The following MACROD2 variants were observed in gnomAD, a reference collection of about 807,000 sequenced individuals.
The protein encoded by MACROD2 is ADP-ribose glycohydrolase MACROD2.
In MACROD2, 36 loss-of-function variants were observed where a neutral mutation model predicts 70.4. The observed-to-expected ratio is 0.51, with a 90% confidence interval of 0.39 to 0.68. MACROD2 has a LOEUF of 0.68. Ranked by LOEUF, MACROD2 falls within the 30% of genes least tolerant of loss-of-function variation. The pLI is 0.00. For synonymous variants in MACROD2, 172 were observed against 178.8 expected, an observed-to-expected ratio of 0.96 and a Z score of 0.30; for missense variants, 496 against 538.4, an observed-to-expected ratio of 0.92 and a Z score of 0.78.
At chr20:14,378,021 T>C (rs1349463603) in intron 3 of MACROD2, among the ~76,000 whole-genome samples, 1 of 152,200 alleles carries the variant, frequency 6.6e-6, no homozygotes, top group Admixed American at 6.5e-5. Context: ...TGCATGCATT[T>C]TATATTTTAC....
chr20:15,627,364 C>T (rs1396619919), intron 8 of MACROD2, among the ~76,000 whole-genome samples: 1 of 152,072 alleles, frequency 6.6e-6, no homozygotes, highest in African/African-American at 2.4e-5. Flanking sequence ...TGCCCCACTG[C>T]ACAAATAAAG....
chr20:14,025,797 G>A (rs2053154893), intron 2 of MACROD2, among the ~76,000 whole-genome samples: 1 of 152,172 alleles, frequency 6.6e-6, no homozygotes, highest in South Asian at 2.1e-4. Flanking sequence ...GTGGGATGTG[G>A]TGCTGAGAAG....
At chr20:15,522,900 GT>G (rs1317874057) in intron 8 of MACROD2, among the ~76,000 whole-genome samples, 6 of 152,172 alleles carry the variant, frequency 3.9e-5, no homozygotes, top group African/African-American at 1.4e-4. Flanking sequence ...GAAAATGACA[GT>G]ATGACACAAA....
intron 4 of MACROD2, among the ~76,000 whole-genome samples, chr20:14,678,212 G>A (rs908972873): frequency 1.3e-5 from 2 of 152,114 alleles, no homozygotes; most frequent in African/African-American, 4.8e-5. Context: ...GTCATATGGA[G>A]GACCTTGTGC....
chr20:15,679,868 G>T (rs1008981532), intron 8 of MACROD2, among the ~76,000 whole-genome samples: 7 of 152,200 alleles, frequency 4.6e-5, no homozygotes, highest in Admixed American at 4.6e-4. Context: ...TTCCAGACCT[G>T]CAGAAATGTG....
chr20:14,727,496 T>C (rs1389474654), intron 5 of MACROD2, among the ~76,000 whole-genome samples: 2 of 151,914 alleles, frequency 1.3e-5, no homozygotes, highest in Non-Finnish European at 2.9e-5. Context: ...GATTACTCCA[T>C]GACATTCCAG....
chr20:14,268,313 C>CA, intron 3 of MACROD2, among the ~76,000 whole-genome samples: 1 of 152,138 alleles, frequency 6.6e-6, no homozygotes, highest in Non-Finnish European at 1.5e-5. Context: ...TCAGTTGTGT[C>CA]AAAAATGTTA....
At chr20:14,701,280 T>C (rs2071193350) in intron 5 of MACROD2, among the ~76,000 whole-genome samples, 1 of 152,196 alleles carries the variant, frequency 6.6e-6, no homozygotes, top group Non-Finnish European at 1.5e-5. Context: ...ATTATAAATA[T>C]GTGAGTTGCA....
At chr20:14,731,663 C>G (rs1053012829) in intron 5 of MACROD2, among the ~76,000 whole-genome samples, 1 of 151,972 alleles carries the variant, frequency 6.6e-6, no homozygotes, top group Non-Finnish European at 1.5e-5. Flanking sequence ...GGAGGTCCCC[C>G]GGGCCCTTTC....
At chr20:14,514,636 G>A (rs2085070781) in intron 4 of MACROD2, among the ~76,000 whole-genome samples, 1 of 152,092 alleles carries the variant, frequency 6.6e-6, no homozygotes, top group Admixed American at 6.6e-5. Flanking sequence ...CAGGGAAGAA[G>A]TCCTGCTGCT....
chr20:14,971,525 A>C (rs1056245545), intron 5 of MACROD2, among the ~76,000 whole-genome samples: 5 of 152,120 alleles, frequency 3.3e-5, no homozygotes, highest in African/African-American at 1.2e-4. Flanking sequence ...ATAGTTATTA[A>C]ATCACCGCAG....
At chr20:14,536,002 A>C (rs543010926) in intron 4 of MACROD2, among the ~76,000 whole-genome samples, 7 of 152,284 alleles carry the variant, frequency 4.6e-5, no homozygotes, top group African/African-American at 1.7e-4. Flanking sequence ...TGTTGGTTAT[A>C]GGAGGGAAAT....
At chr20:14,367,077 T>C (rs1193076828) in intron 3 of MACROD2, among the ~76,000 whole-genome samples, 1 of 152,170 alleles carries the variant, frequency 6.6e-6, no homozygotes, top group East Asian at 1.9e-4. Flanking sequence ...GACTTTTCTT[T>C]GTGGTTTGTA....
intron 13 of MACROD2, 128 bp from the exon 14 acceptor site, chr20:15,986,599 G>T (rs574136511): frequency 3.8e-6 from 2 of 521,116 alleles, no homozygotes; most frequent in Admixed American, 3.7e-5. Flanking sequence ...TTGTATCTTT[G>T]CCCTTTGGTT....
intron 3 of MACROD2, among the ~76,000 whole-genome samples, chr20:14,148,222 G>A (rs764788097): frequency 1.3e-5 from 2 of 152,156 alleles, no homozygotes; most frequent in Non-Finnish European, 2.9e-5. Flanking sequence ...TATATGTGTG[G>A]TCTGTAGATA....
chr20:14,186,269 A>C lies in MACROD2; in HGVS notation c.271+100541A>C, dbSNP rs563095755. Among the ~76,000 whole-genome samples the C allele has an allele frequency of 2.6e-5, 4 of 152,248 alleles. No homozygotes were observed. The East Asian group carries it at 7.7e-4, about 29-fold the overall frequency. On this transcript the variant is annotated intron_variant, in intron 3 of 17. Transcript: ENST00000684519. Reference sequence around the variant, plus strand: ...ACTTCTATCTTTGCCTATCATATCAATGTTTTTGCCATTTACTTGGTGGTT... The same window carrying C: ...ACTTCTATCTTTGCCTATCATATCACTGTTTTTGCCATTTACTTGGTGGTT...
At chr20:14,941,766 A>T (rs941435042) in intron 5 of MACROD2, among the ~76,000 whole-genome samples, 5 of 150,532 alleles carry the variant, frequency 3.3e-5, no homozygotes, top group Admixed American at 3.3e-4. Context: ...AAGATTCTGA[A>T]TTTCTTTCTC....
intron 3 of MACROD2, among the ~76,000 whole-genome samples, chr20:14,436,370 A>G (rs2084056483): frequency 6.6e-6 from 1 of 152,226 alleles, no homozygotes; most frequent in African/African-American, 2.4e-5. Context: ...CCGATTTCAA[A>G]CTAACTTCTG....
chr20:15,192,330 T>C (rs1275662218), intron 5 of MACROD2, among the ~76,000 whole-genome samples: 1 of 152,236 alleles, frequency 6.6e-6, no homozygotes, highest in Non-Finnish European at 1.5e-5. Context: ...TACATTTTAA[T>C]TCACAACCTT....
Sources: allele counts gnomAD v4.1 joint callset (sites outside exome capture counted in the v4.1 genomes callset), GRCh38; gene constraint gnomAD v4.1.1; transcripts MANE v1.5; gene names NCBI Gene and HGNC (gene_info 2026-07-23, HGNC 2026-07-21).